The following RTEL1 variants were observed in gnomAD, a reference collection of about 807,000 sequenced individuals.
RTEL1 encodes the protein regulator of telomere length.
RTEL1 carries 86 observed loss-of-function variants against 162.2 expected under a neutral mutation model. That is an observed-to-expected ratio of 0.53 (90% CI 0.45 to 0.63). The LOEUF (loss-of-function observed/expected upper bound fraction) is 0.63, where lower values mean the gene tolerates loss of function less well. RTEL1 is among the 30% of genes least tolerant of loss of function. The pLI is 0.00. For synonymous variants in RTEL1, 958 were observed against 717.9 expected, an observed-to-expected ratio of 1.33 and a Z score of -5.35; for missense variants, 1,941 against 1,750.2, an observed-to-expected ratio of 1.11 and a Z score of -1.95.
At chr20:63,666,124 C>T (rs756398185) in intron 7 of RTEL1, 45 bp downstream of exon 7, 2 of 1,506,368 alleles carry the variant, frequency 1.3e-6, no homozygotes, top group Admixed American at 3.4e-5. Flanking sequence ...TTCCATGGCC[C>T]AGCTCTCCTG....
rs863225129 is a variant in RTEL1, at chr20:63,687,936, G to A, written c.1482-1G>A. ...TGTCTGCTCCCTCTGGCCACGCTCAGCCCTTTCCCAGTCTGCCTGGAGAAC... is the reference window on the plus strand; with the variant it reads ...TGTCTGCTCCCTCTGGCCACGCTCAACCCTTTCCCAGTCTGCCTGGAGAAC... On this transcript the variant is annotated splice_acceptor_variant, in intron 17 of 34. Transcript: ENST00000360203. LOFTEE classifies it high-confidence loss of function. 10 of 1,612,528 alleles carry A rather than the reference G, an allele frequency of 6.2e-6. No homozygotes were observed. Among genetic ancestry groups the A allele is most frequent in the Non-Finnish European group, 8.5e-6 (10 of 1,179,774 alleles).
At chr20:63,671,915 ACT>A (rs768999414) in intron 8 of RTEL1, among the ~76,000 whole-genome samples, 24 of 150,900 alleles carry the variant, frequency 1.6e-4, no homozygotes, top group Non-Finnish European at 3.2e-4. Flanking sequence ...ATGAAGTCTC[ACT>A]CTGTCGCCTA....
intron 14 of RTEL1, chr20:63,681,486 G>A (rs1377970441): frequency 1.0e-6 from 1 of 985,156 alleles, no homozygotes; most frequent in Non-Finnish European, 1.2e-6. Flanking sequence ...CGAGATCATG[G>A]CAGGGTTAGG....
Position 63,659,411 on chromosome 20 carries a change from G to C in RTEL1, c.9G>C (p.Lys3Asn). The C allele has an allele frequency of 6.2e-7, 1 of 1,613,800 alleles. No homozygotes were observed. The highest frequency in any genetic ancestry group is 8.5e-7 in the Non-Finnish European group (1 of 1,179,684). Residue 3 changes from lysine to asparagine, a missense_variant, in exon 2 of 35, where the codon AAG becomes AAC. By Grantham distance (94) the Lys-to-Asn change is moderately conservative. Transcript: ENST00000360203. ...TCTGAGAACAGGCTGATATGCCCAA[G>C]ATAGTCCTGAATGGTGTGACCGTAG... Reference protein sequence around the residue: MPKIVLNGVTVDF... With the variant: MPNIVLNGVTVDF...
At chr20:63,665,634 TG>T (rs1406783826) in intron 6 of RTEL1, among the ~76,000 whole-genome samples, 1 of 151,316 alleles carries the variant, frequency 6.6e-6, no homozygotes, top group African/African-American at 2.4e-5. Context: ...CTCTGTGGGT[TG>T]GGGCGATAGG....
intron 7 of RTEL1, among the ~76,000 whole-genome samples, chr20:63,667,020 T>C (rs1329631225): frequency 3.3e-5 from 5 of 151,794 alleles, no homozygotes; most frequent in South Asian, 2.1e-4. Context: ...TCTGTATTTT[T>C]AGTAGAGACG....
chr20:63,677,226 C>T (rs1389904066), intron 10 of RTEL1, among the ~76,000 whole-genome samples: 2 of 152,190 alleles, frequency 1.3e-5, no homozygotes, highest in African/African-American at 4.8e-5. Flanking sequence ...CATGCGGCAG[C>T]GGGTTGGTCA....
intron 9 of RTEL1, among the ~76,000 whole-genome samples, chr20:63,673,243 A>T (rs1244740515): frequency 6.7e-6 from 1 of 150,046 alleles, no homozygotes; most frequent in Non-Finnish European, 1.5e-5. Flanking sequence ...AATACAAAAA[A>T]ATTAGCTGGG....
chr20:63,671,760 G>C (rs112473968), intron 8 of RTEL1, among the ~76,000 whole-genome samples: 1 of 151,492 alleles, frequency 6.6e-6, no homozygotes, highest in Non-Finnish European at 1.5e-5. Flanking sequence ...GAAAGTGCTG[G>C]GCTTGCAGGC....
At chr20:63,659,115 G>A (rs1387608733) in intron 1 of RTEL1, 118 bp from the exon 2 acceptor site, 2 of 397,190 alleles carry the variant, frequency 5.0e-6, no homozygotes, top group Non-Finnish European at 9.4e-6. Context: ...CCTCGAGATG[G>A]GATATACCAG....
At chr20:63,689,888 C>T (rs771338404) in intron 24 of RTEL1, 23 bp downstream of exon 24, 34 of 1,590,310 alleles carry the variant, frequency 2.1e-5, no homozygotes, top group Admixed American at 1.5e-4. Context: ...CGGTGGCAGG[C>T]GCGGCGCCAG....
In RTEL1 at chr20:63,662,930, G is replaced by T. The variant is rs138871304; in HGVS notation, c.538+41G>T. 5,027 of 1,583,340 alleles carry T rather than the reference G, an allele frequency of 3.2e-3. 13 individuals carry two copies. Among genetic ancestry groups the T allele is most frequent in the Non-Finnish European group, 3.9e-3 (4,494 of 1,152,360 alleles). ...TGGGACCAGGGTCGGGTTGGAGTGTGTGCAGCCTCTCAGGGTGGAGCTCAG... is the reference window on the plus strand; with the variant it reads ...TGGGACCAGGGTCGGGTTGGAGTGTTTGCAGCCTCTCAGGGTGGAGCTCAG... On this transcript the variant is annotated intron_variant, in intron 6 of 34. Transcript: ENST00000360203.
rs376930232 is a variant in RTEL1 at position 63,690,873 on chromosome 20, C to T, written c.2482C>T (p.Arg828Trp). ...VEYEQEPVPA[R>W]QRPRGLLAAL... ...GTATGAGCAGGAGCCAGTTCCTGCC[C>T]GGCAGAGGCCCAGGGGGCTGCTGGC... Residue 828 changes from arginine to tryptophan, a missense_variant, in exon 27 of 35, where the codon CGG (arginine) becomes TGG (tryptophan). By Grantham distance (101) the Arg-to-Trp change is moderately radical. Coordinates refer to ENST00000360203, the MANE Select transcript of RTEL1 (RefSeq NM_001283009.2). 39 of 1,598,074 alleles carry T rather than the reference C, an allele frequency of 2.4e-5. No homozygotes were observed. The highest frequency in any genetic ancestry group is 2.4e-4 in the African/African-American group (18 of 74,658).
chr20:63,672,755 C>A, intron 9 of RTEL1, 134 bp downstream of exon 9: 1 of 733,404 alleles, frequency 1.4e-6, no homozygotes, highest in Non-Finnish European at 2.4e-6. Flanking sequence ...ACTGAGCACA[C>A]CAGGAGCTTC....
chr20:63,678,159 C>G lies in RTEL1; in HGVS notation c.934C>G (p.Leu312Val), dbSNP rs376302975. ...DSPSPGLNME[L>V]EDIAKLKMIL... ...CTCTTGCCCAGGGCTGAACATGGAG[C>G]TGGAAGACATTGCAAAGCTGAAGAG... Residue 312 changes from leucine (L) to valine (V), a missense_variant, in exon 11 of 35, where the codon CTG (leucine) becomes GTG (valine). By Grantham distance (32) the Leu-to-Val change is conservative. Coordinates refer to ENST00000360203, the MANE Select transcript of RTEL1 (RefSeq NM_001283009.2). 7.4e-6 allele frequency: 12 copies of G among 1,614,146 alleles called. No homozygotes were observed. The highest frequency in any genetic ancestry group is 9.3e-6 in the Non-Finnish European group (11 of 1,180,000).
chr20:63,662,959 T>C, intron 6 of RTEL1, 70 bp downstream of exon 6: 9 of 1,463,822 alleles, frequency 6.1e-6, no homozygotes, highest in Non-Finnish European at 8.6e-6. Flanking sequence ...AGCTCAGTGG[T>C]GTCACAGCCT....
At chr20:63,663,947 G>T (rs921915126) in intron 6 of RTEL1, among the ~76,000 whole-genome samples, 3 of 152,182 alleles carry the variant, frequency 2.0e-5, no homozygotes, top group African/African-American at 7.2e-5. Context: ...GGAGGGACAG[G>T]GTGGGCGGAA....
chr20:63,677,183 T>G lies in RTEL1; in HGVS notation c.920-962T>G, dbSNP rs527517766. ...GCCAAGTCTCCAAGAAGCCCTGCTT[T>G]CTTTTCCTGCAAGACGGTATTTCAA... On this transcript the variant is annotated intron_variant, in intron 10 of 34. Coordinates refer to ENST00000360203, the MANE Select transcript of RTEL1 (RefSeq NM_001283009.2). Among the ~76,000 whole-genome samples, 285 of 152,354 alleles carry G rather than the reference T, an allele frequency of 1.9e-3. 1 individual carries two copies. The highest frequency in any genetic ancestry group is 3.5e-3 in the Non-Finnish European group (236 of 68,048).
At chr20:63,688,837 G>T in intron 21 of RTEL1, 1 of 638,534 alleles carries the variant, frequency 1.6e-6, no homozygotes, top group Non-Finnish European at 2.7e-6. Flanking sequence ...AGCCCTAGTC[G>T]GCCACCCTGG....
Sources: gnomAD v4.1 joint callset for allele counts (sites outside exome capture counted in the v4.1 genomes callset) on GRCh38, gnomAD v4.1.1 for gene constraint, MANE v1.5 for transcripts, NCBI Gene and HGNC (gene_info 2026-07-23, HGNC 2026-07-21) for gene names.